Variants in TAFA1 observed in about 807,000 individuals in gnomAD.
TAFA1 encodes TAFA chemokine like family member 1.
A neutral mutation model predicts 18.5 loss-of-function variants in TAFA1; 4 were observed. The observed-to-expected ratio is 0.22, with a 90% CI of 0.11 to 0.49. The LOEUF is 0.49. Ranked by LOEUF, TAFA1 falls within the 20% of genes least tolerant of loss-of-function variation. TAFA1 has a pLI of 0.98. For synonymous variants in TAFA1, 56 were observed against 55.2 expected (o/e 1.01, Z -0.06); for missense variants, 147 against 169.0 (o/e 0.87, Z 0.72).
intron 2 of TAFA1, among the ~76,000 whole-genome samples, chr3:68,283,313 C>T (rs1408001881): frequency 6.6e-6 from 1 of 152,130 alleles, no homozygotes; most frequent in African/African-American, 2.4e-5. Context: ...TCTGACTTTT[C>T]TTATAGTCTA....
chr3:68,014,222 A>T (rs921828701), intron 2 of TAFA1, among the ~76,000 whole-genome samples: 2 of 152,226 alleles, frequency 1.3e-5, no homozygotes. Context: ...GCTAATACAC[A>T]GGCAGGGGGT....
rs936317357 is a variant in TAFA1, at chr3:68,310,265, A to C, written c.119-107015A>C. ...TTTTTCTAGTAGGAATGGAGATCTT[A>C]AGTAGTTTTTGTTTAATTTTTAGAA... On this transcript the variant is annotated intron_variant, in intron 2 of 4. Coordinates refer to ENST00000478136, the MANE Select transcript of TAFA1 (RefSeq NM_213609.4). Among the ~76,000 whole-genome samples, 71 of 152,180 alleles carry C rather than the reference A, an allele frequency of 4.7e-4. 1 individual carries two copies. Among genetic ancestry groups the C allele is most frequent in the Admixed American group, 4.6e-3 (71 of 15,284 alleles).
intron 2 of TAFA1, among the ~76,000 whole-genome samples, chr3:68,089,198 T>C (rs1293044644): frequency 1.3e-5 from 2 of 152,134 alleles, no homozygotes; most frequent in Admixed American, 6.6e-5. Context: ...CAATTTAAAT[T>C]TGGGAGTTCT....
At chr3:68,182,599 C>T (rs894461618) in intron 2 of TAFA1, among the ~76,000 whole-genome samples, 1 of 152,178 alleles carries the variant, frequency 6.6e-6, no homozygotes, top group African/African-American at 2.4e-5. Context: ...ATCACATTAA[C>T]ATGAACAACA....
intron 2 of TAFA1, among the ~76,000 whole-genome samples, chr3:68,133,015 C>T (rs966648316): frequency 1.3e-5 from 2 of 152,188 alleles, no homozygotes; most frequent in Admixed American, 1.3e-4. Flanking sequence ...CATGTGTAAG[C>T]CTTTAATCCA....
chr3:68,059,194 G>A (rs2064571766), intron 2 of TAFA1, among the ~76,000 whole-genome samples: 2 of 152,058 alleles, frequency 1.3e-5, no homozygotes, highest in South Asian at 2.1e-4. Flanking sequence ...AATAATAGTA[G>A]CAATAGCAAA....
intron 2 of TAFA1, among the ~76,000 whole-genome samples, chr3:68,084,646 A>C (rs1263208688): frequency 6.6e-6 from 1 of 152,106 alleles, no homozygotes; most frequent in Non-Finnish European, 1.5e-5. Context: ...AAAACATACA[A>C]AATTAGCTGG....
intron 2 of TAFA1, among the ~76,000 whole-genome samples, chr3:68,046,434 C>G (rs1415047843): frequency 2.6e-5 from 4 of 152,156 alleles, no homozygotes; most frequent in Non-Finnish European, 5.9e-5. Context: ...GATGAATACA[C>G]TCTCTCACAG....
At chr3:68,227,635 T>C (rs1274790077) in intron 2 of TAFA1, among the ~76,000 whole-genome samples, 4 of 152,200 alleles carry the variant, frequency 2.6e-5, no homozygotes, top group Non-Finnish European at 5.9e-5. Flanking sequence ...AGTGAAAGAC[T>C]GAATAGAAGA....
At chr3:68,509,364 A>G (rs9819812) in intron 3 of TAFA1, among the ~76,000 whole-genome samples, 32,988 of 152,060 alleles carry the variant, frequency 0.22, 3,760 homozygotes, top group Admixed American at 0.29. Context: ...ATTGAAGGAC[A>G]CTGACAAGAT....
Position 68,275,670 on chromosome 3 carries a change from C to T in TAFA1, c.119-141610C>T, listed in dbSNP as rs115593643. On this transcript the variant is annotated intron_variant, in intron 2 of 4. Transcript: ENST00000478136. ...CCTCTCTGAGGAGGTGACATTTGAA[C>T]GGAGACCTGAATGGGACAAAAGGGC... Among the ~76,000 whole-genome samples, 708 of 151,956 alleles carry T rather than the reference C, an allele frequency of 4.7e-3. 1 individual carries two copies. The highest frequency in any genetic ancestry group is 0.016 in the African/African-American group (682 of 41,444).
chr3:68,001,303 G>A (rs577392976), upstream of TAFA1, among the ~76,000 whole-genome samples: 2 of 152,304 alleles, frequency 1.3e-5, no homozygotes, highest in East Asian at 3.9e-4. Flanking sequence ...AGTTGATAAA[G>A]TAATTGTAGA....
intron 2 of TAFA1, among the ~76,000 whole-genome samples, chr3:68,268,211 G>A (rs528807364): frequency 1.3e-5 from 2 of 152,248 alleles, no homozygotes; most frequent in East Asian, 1.9e-4. Context: ...GATGACCAAA[G>A]TTTTGGCTCT....
At chr3:67,995,473 C>A in the TAFA1 span, among the ~76,000 whole-genome samples, 1 of 152,192 alleles carries the variant, frequency 6.6e-6, no homozygotes, top group Admixed American at 6.6e-5. Flanking sequence ...CATGAGCATG[C>A]GAGGCGTGTT....
chr3:68,056,157 G>GTC (rs1237233346), intron 2 of TAFA1, among the ~76,000 whole-genome samples: 6 of 152,170 alleles, frequency 3.9e-5, no homozygotes, highest in Non-Finnish European at 7.4e-5. Flanking sequence ...TTAGGTAAGA[G>GTC]TCTCAGCAGT....
intron 2 of TAFA1, among the ~76,000 whole-genome samples, chr3:68,017,364 T>G (rs1275967322): frequency 6.6e-6 from 1 of 152,198 alleles, no homozygotes; most frequent in African/African-American, 2.4e-5. Flanking sequence ...AAGAGCAAAT[T>G]TATGGCGTGC....
At chr3:68,510,518 A>G (rs1428397243) in intron 3 of TAFA1, among the ~76,000 whole-genome samples, 1 of 152,152 alleles carries the variant, frequency 6.6e-6, no homozygotes, top group Non-Finnish European at 1.5e-5. Context: ...GACTGGGTAC[A>G]GTATCACATT....
At chr3:68,238,609 G>A (rs1460135475) in intron 2 of TAFA1, among the ~76,000 whole-genome samples, 32 of 152,132 alleles carry the variant, frequency 2.1e-4, no homozygotes, top group Admixed American at 2.0e-3. Context: ...TCAAAAGCTG[G>A]CACAAAGTGG....
intron 2 of TAFA1, among the ~76,000 whole-genome samples, chr3:68,395,249 C>A (rs1038306860): frequency 6.6e-6 from 1 of 152,084 alleles, no homozygotes; most frequent in Non-Finnish European, 1.5e-5. Context: ...GAGATACCAT[C>A]TCAACCAGTT....
Sources: gnomAD v4.1 joint callset for allele counts (sites outside exome capture counted in the v4.1 genomes callset) on GRCh38, gnomAD v4.1.1 for gene constraint, MANE v1.5 for transcripts, NCBI Gene and HGNC (gene_info 2026-07-23, HGNC 2026-07-21) for gene names.